MS4A18: variants seen among roughly 807,000 people sequenced by gnomAD.
MS4A18 encodes membrane-spanning 4-domains subfamily A member 18.
A neutral mutation model predicts 13.1 loss-of-function variants in MS4A18; 27 were observed. The observed-to-expected ratio is 2.06, with a 90% CI of 1.52 to 2.84. The LOEUF is 2.84. Among genes scored for constraint, MS4A18 ranks in the 30% most tolerant of loss-of-function variants. The pLI, the probability that MS4A18 is intolerant of heterozygous loss-of-function variation, is 0.00. For synonymous variants in MS4A18, 126 were observed against 76.5 expected, an observed-to-expected ratio of 1.65 and a Z score of -3.38; for missense variants, 307 against 196.4, an observed-to-expected ratio of 1.56 and a Z score of -3.37.
chr11:60,738,954 G>A (rs1160494984), exon 4 of MS4A18: 1 of 703,150 alleles, frequency 1.4e-6, no homozygotes, highest in African/African-American at 1.7e-5. Context: ...GCCTTTGCCG[G>A]GATCTTCATT....
intron 2 of MS4A18, among the ~76,000 whole-genome samples, chr11:60,734,046 C>G (rs1290906902): frequency 6.6e-6 from 1 of 152,056 alleles, no homozygotes; most frequent in Admixed American, 6.5e-5. Flanking sequence ...GAGTTTGAGA[C>G]CAGCCTGGGC....
exon 2 of MS4A18, chr11:60,733,601 C>G (rs781117971): frequency 7.1e-6 from 5 of 703,630 alleles, no homozygotes; most frequent in African/African-American, 3.5e-5. Context: ...TATTACTATC[C>G]TTTTGTGACC....
intron 2 of MS4A18, among the ~76,000 whole-genome samples, chr11:60,734,273 A>G (rs1853303653): frequency 6.6e-6 from 1 of 152,128 alleles, no homozygotes; most frequent in African/African-American, 2.4e-5. Context: ...AAAAAAAGAA[A>G]TATCTCATAT....
At chr11:60,726,802 C>T (rs904110933), upstream of MS4A18, among the ~76,000 whole-genome samples, 2 of 146,642 alleles carry the variant, frequency 1.4e-5, no homozygotes, top group East Asian at 2.0e-4. Flanking sequence ...GATACATGTG[C>T]AGAACGTGCA....
intron 3 of MS4A18, among the ~76,000 whole-genome samples, chr11:60,738,623 C>T (rs1236720063): frequency 1.3e-5 from 2 of 152,048 alleles, no homozygotes; most frequent in Admixed American, 6.6e-5. Flanking sequence ...GGCTTAATAC[C>T]TGGGTTATGA....
exon 3 of MS4A18, chr11:60,737,033 T>C: frequency 2.8e-6 from 2 of 702,592 alleles, no homozygotes; most frequent in East Asian, 2.7e-5. Context: ...AGTCCTTGTG[T>C]GGTAAGTCAC....
At chr11:60,738,168 C>T (rs913092304) in intron 3 of MS4A18, among the ~76,000 whole-genome samples, 1 of 152,218 alleles carries the variant, frequency 6.6e-6, no homozygotes, top group African/African-American at 2.4e-5. Context: ...TCTCTTTCAC[C>T]TTTCTCTCTT....
In MS4A18 at chr11:60,743,031, C is replaced by T. The variant is rs145098442; in HGVS notation, c.859-619C>T. On this transcript the variant is annotated intron_variant, in intron 5 of 5. Transcript: ENST00000529108. ...GATTCCTTCAGCAGTGAGATCACCA[C>T]TTTTCCAGCCTTTGCTAAAGGCTTA... Among the ~76,000 whole-genome samples the T allele has an allele frequency of 4.3e-3, 661 of 152,366 alleles. 4 individuals are homozygous for T. The highest frequency in any genetic ancestry group is 0.015 in the African/African-American group (605 of 41,588).
At chr11:60,739,329 G>C (rs545213426) in intron 4 of MS4A18, among the ~76,000 whole-genome samples, 1 of 152,066 alleles carries the variant, frequency 6.6e-6, no homozygotes, top group African/African-American at 2.4e-5. Context: ...CTGCCCCTAG[G>C]GGTCTCTCGA....
upstream of MS4A18, among the ~76,000 whole-genome samples, chr11:60,727,673 T>C (rs924724043): frequency 4.1e-4 from 62 of 152,306 alleles, no homozygotes; most frequent in African/African-American, 1.3e-3. Flanking sequence ...CCATAGGATT[T>C]GGTGTCTTGC....
At chr11:60,725,622 G>GA (rs554620939), upstream of MS4A18, among the ~76,000 whole-genome samples, 9 of 151,762 alleles carry the variant, frequency 5.9e-5, no homozygotes, top group South Asian at 1.2e-3. Flanking sequence ...GGAGTCCTCT[G>GA]AAAAAAAGGA....
chr11:60,739,707 A>G (rs1247271874), intron 4 of MS4A18, among the ~76,000 whole-genome samples: 1 of 152,250 alleles, frequency 6.6e-6, no homozygotes, highest in African/African-American at 2.4e-5. Context: ...CCAGTCTGCC[A>G]TGCTCATGGG....
upstream of MS4A18, among the ~76,000 whole-genome samples, chr11:60,725,440 C>T (rs1181906707): frequency 6.6e-6 from 1 of 152,152 alleles, no homozygotes; most frequent in East Asian, 1.9e-4. Flanking sequence ...GTGATCTGCC[C>T]GCCTTGGCCT....
chr11:60,733,747 ACT>A (rs1414153901), intron 2 of MS4A18, 100 bp downstream of exon 3: 159 of 689,608 alleles, frequency 2.3e-4, no homozygotes, highest in Non-Finnish European at 1.6e-4. Context: ...CAGTAATATG[ACT>A]CTGTAGACTA....
upstream of MS4A18, among the ~76,000 whole-genome samples, chr11:60,727,651 C>T (rs612342): frequency 0.22 from 33,300 of 152,006 alleles, 3,882 homozygotes; most frequent in Admixed American, 0.3. Context: ...GTCCTGCACA[C>T]GTTATTTTGT....
At chr11:60,732,515 G>A (rs1281263961) in intron 1 of MS4A18, among the ~76,000 whole-genome samples, 4 of 151,904 alleles carry the variant, frequency 2.6e-5, no homozygotes, top group African/African-American at 7.3e-5. Context: ...GGTTCACGAG[G>A]TCAGGAGATC....
chr11:60,736,808 T>C (rs1853346772), intron 2 of MS4A18, among the ~76,000 whole-genome samples, 170 bp from the exon 4 acceptor site: 2 of 152,220 alleles, frequency 1.3e-5, no homozygotes, highest in South Asian at 4.1e-4. Context: ...ATTTGGTGCC[T>C]AACCATTGGG....
intron 4 of MS4A18, among the ~76,000 whole-genome samples, chr11:60,740,470 C>T (rs532859953): frequency 6.6e-6 from 1 of 152,294 alleles, no homozygotes; most frequent in African/African-American, 2.4e-5. Context: ...TGGAAGAGGG[C>T]TGAGAAAGCC....
Position 60,744,181 on chromosome 11 carries a change from C to CT in MS4A18, c.*195dup, listed in dbSNP as rs1026072838. ...CTTCATTTTTGTTTGTTATTGATGTCTTTTTTTTCATTCATAAATAATTTT... is the reference window on the plus strand; with the variant it reads ...CTTCATTTTTGTTTGTTATTGATGTCTTTTTTTTTCATTCATAAATAATTTT... On this transcript the variant is annotated 3_prime_UTR_variant, in exon 6 of 6. Transcript: ENST00000529108. The CT allele has an allele frequency of 2.2e-4, 129 of 574,130 alleles. 1 individual carries two copies. Among genetic ancestry groups the CT allele is most frequent in the South Asian group, 1.2e-3 (54 of 43,764 alleles). The allele number at this position is 574,130 out of a possible 1,614,324, so 35.6% of individuals were successfully genotyped here.
Sources: allele counts gnomAD v4.1 joint callset (sites outside exome capture counted in the v4.1 genomes callset), GRCh38; gene constraint gnomAD v4.1.1; transcripts MANE v1.5; gene names NCBI Gene and HGNC (gene_info 2026-07-23, HGNC 2026-07-21).